Variants in RIMBP2 observed in about 807,000 individuals in gnomAD.
RIMBP2 encodes RIMS binding protein 2, also known as RIMS-binding protein 2.
A neutral mutation model predicts 118.6 loss-of-function variants in RIMBP2; 48 were observed. The observed-to-expected ratio is 0.40, with a 90% CI of 0.32 to 0.51. The LOEUF (loss-of-function observed/expected upper bound fraction) is 0.51. Ranked by LOEUF, RIMBP2 falls within the 20% of genes least tolerant of loss-of-function variation. RIMBP2 has a pLI of 0.41. For missense variants in RIMBP2, 1,551 were observed against 1,768.3 expected, an observed-to-expected ratio of 0.88 and a Z score of 2.20; for synonymous variants, 762 against 742.9, an observed-to-expected ratio of 1.03 and a Z score of -0.42.
At chr12:130,435,651 T>C (rs1250703453) in intron 13 of RIMBP2, among the ~76,000 whole-genome samples, 1 of 152,220 alleles carries the variant, frequency 6.6e-6, no homozygotes, top group Non-Finnish European at 1.5e-5. Flanking sequence ...ATCAGAGCCA[T>C]GGTGAATTCA....
intron 1 of RIMBP2, among the ~76,000 whole-genome samples, chr12:130,713,476 G>A (rs1950111166): frequency 6.6e-6 from 1 of 152,218 alleles, no homozygotes; most frequent in African/African-American, 2.4e-5. Flanking sequence ...CTTTTCAAAT[G>A]GGTGAAAGTC....
intron 2 of RIMBP2, among the ~76,000 whole-genome samples, chr12:130,606,171 T>TA (rs375800383): frequency 4.3e-3 from 659 of 152,046 alleles, no homozygotes; most frequent in African/African-American, 0.015. Context: ...GTAAATATGG[T>TA]AAAAAATAAA....
intron 4 of RIMBP2, among the ~76,000 whole-genome samples, chr12:130,485,914 T>A (rs1001812831): frequency 1.3e-5 from 2 of 152,218 alleles, no homozygotes; most frequent in Non-Finnish European, 1.5e-5. Flanking sequence ...ACAAAGCAGC[T>A]GTCAGAAAGG....
At chr12:130,414,074 C>G (rs776713358) in intron 18 of RIMBP2, 51 bp downstream of exon 18, 2 of 1,592,020 alleles carry the variant, frequency 1.3e-6, no homozygotes, top group Non-Finnish European at 1.7e-6. Context: ...CCCCATGACC[C>G]AGACCCGCCT....
chr12:130,715,276 G>A (rs1413608709), intron 1 of RIMBP2, among the ~76,000 whole-genome samples: 1 of 152,098 alleles, frequency 6.6e-6, no homozygotes, highest in African/African-American at 2.4e-5. Flanking sequence ...GGACCCAGAG[G>A]CCACGCAGGC....
chr12:130,489,284 G>A (rs2048404187), intron 4 of RIMBP2, among the ~76,000 whole-genome samples: 1 of 152,138 alleles, frequency 6.6e-6, no homozygotes, highest in South Asian at 2.1e-4. Flanking sequence ...GTGTACGCCT[G>A]GATGAGGGCA....
chr12:130,636,289 C>G (rs546134801), intron 1 of RIMBP2, among the ~76,000 whole-genome samples: 1 of 152,324 alleles, frequency 6.6e-6, no homozygotes, highest in African/African-American at 2.4e-5. Flanking sequence ...TTCCTCCCTA[C>G]TGGCACTCTT....
chr12:130,398,325 C>T (rs1264187349), intron 22 of RIMBP2: 3 of 152,346 alleles, frequency 2.0e-5, no homozygotes. Context: ...TCCAGAGCAA[C>T]TCTTGCCATG....
chr12:130,642,091 A>AC (rs889885269), intron 1 of RIMBP2, among the ~76,000 whole-genome samples: 1 of 151,904 alleles, frequency 6.6e-6, no homozygotes, highest in African/African-American at 2.4e-5. Flanking sequence ...TAACCACTGT[A>AC]CCCCCAGCTT....
chr12:130,649,343 G>A (rs1456322413), intron 1 of RIMBP2, among the ~76,000 whole-genome samples: 1 of 152,228 alleles, frequency 6.6e-6, no homozygotes, highest in Non-Finnish European at 1.5e-5. Flanking sequence ...GTGACTTAGA[G>A]ACCCAGGCCC....
At chr12:130,439,231 G>GATGTATATGTATGT (rs2077812617) in intron 11 of RIMBP2, among the ~76,000 whole-genome samples, 1 of 151,814 alleles carries the variant, frequency 6.6e-6, no homozygotes, top group East Asian at 1.9e-4. Flanking sequence ...TTTGTGTGTA[G>GATGTATATGTATGT]ATGTATATGT....
rs541486970 is a variant in RIMBP2, at chr12:130,553,057, G to A, written c.-216-35140C>T. Among the ~76,000 whole-genome samples the A allele has an allele frequency of 3.3e-5, 5 of 151,952 alleles. No individual in the cohort carries two copies. In the South Asian group the frequency reaches 1.0e-3, roughly 32 times the overall value. Reference sequence around the variant, plus strand: ...AGTCCCAGCTACTTGGGAGGCTGAGGCAGGAGAATGGCGTGAACCTGGGAG... The same window carrying A: ...AGTCCCAGCTACTTGGGAGGCTGAGACAGGAGAATGGCGTGAACCTGGGAG... On this transcript the variant is annotated intron_variant, in intron 2 of 22. Transcript: ENST00000690449.
chr12:130,491,454 CAT>C (rs917343344), intron 4 of RIMBP2, among the ~76,000 whole-genome samples: 6 of 152,244 alleles, frequency 3.9e-5, no homozygotes, highest in South Asian at 2.1e-4. Flanking sequence ...AGGCAGTACA[CAT>C]GAGAACCTTT....
At chr12:130,715,819 C>G (rs996000574) in intron 1 of RIMBP2, among the ~76,000 whole-genome samples, 23 of 149,748 alleles carry the variant, frequency 1.5e-4, no homozygotes, top group African/African-American at 5.6e-4. Context: ...GTCTGAGAAG[C>G]CTGGGGCGCA....
At chr12:130,575,966 AT>A (rs1382300164) in intron 2 of RIMBP2, among the ~76,000 whole-genome samples, 1 of 152,204 alleles carries the variant, frequency 6.6e-6, no homozygotes, top group Non-Finnish European at 1.5e-5. Context: ...GGATATTTGA[AT>A]TCAGAGCAGA....
chr12:130,439,431 ATGTGGGTG>A (rs1198502262), intron 11 of RIMBP2, among the ~76,000 whole-genome samples: 7 of 141,450 alleles, frequency 4.9e-5, no homozygotes, highest in African/African-American at 5.3e-5. Flanking sequence ...GTATATGTGT[ATGTGGGTG>A]TGTGGGTGTG....
At chr12:130,448,974 C>G (rs1415789329) in intron 9 of RIMBP2, among the ~76,000 whole-genome samples, 1 of 152,238 alleles carries the variant, frequency 6.6e-6, no homozygotes, top group Admixed American at 6.5e-5. Context: ...TGGCTTAAAT[C>G]AAGAGTCACC....
intron 4 of RIMBP2, 76 bp downstream of exon 4, chr12:130,506,572 G>T (rs745484760): frequency 6.2e-6 from 6 of 961,908 alleles, no homozygotes; most frequent in Non-Finnish European, 7.4e-6. Flanking sequence ...TTCTGCTCGG[G>T]GTCCTGCAGC....
chr12:130,592,549 C>T (rs927391061), intron 2 of RIMBP2, among the ~76,000 whole-genome samples: 4 of 152,060 alleles, frequency 2.6e-5, no homozygotes, highest in African/African-American at 9.7e-5. Context: ...ATTAGCTGGG[C>T]TCAGTGGCAG....
Sources: allele counts gnomAD v4.1 joint callset (sites outside exome capture counted in the v4.1 genomes callset), GRCh38; gene constraint gnomAD v4.1.1; transcripts MANE v1.5; gene names NCBI Gene and HGNC (gene_info 2026-07-23, HGNC 2026-07-21).